The following CD226 variants were observed in gnomAD, a reference collection of about 807,000 sequenced individuals.
The protein encoded by CD226 is CD226 antigen.
Under a neutral mutation model 34.9 loss-of-function variants are expected in CD226, and 24 were observed. The ratio of observed to expected loss-of-function variants is 0.69; its 90% CI spans 0.50 to 0.97. The LOEUF is 0.97. Among genes scored for constraint, CD226 ranks in the 50% least tolerant of loss-of-function variants. The probability of loss-of-function intolerance (pLI) is 0.00; values close to 1 mark genes in which losing one functional copy is unlikely to be tolerated. For missense variants in CD226, 397 were observed against 412.7 expected, an observed-to-expected ratio of 0.96 and a Z score of 0.33; for synonymous variants, 148 against 147.4, an observed-to-expected ratio of 1.00 and a Z score of -0.03.
upstream of CD226, among the ~76,000 whole-genome samples, chr18:69,961,420 T>C (rs11662781): frequency 0.83 from 125,768 of 152,190 alleles, 56,206 homozygotes; most frequent in East Asian, 1. Context: ...AGGCACTTAT[T>C]GACGGCACTC....
At chr18:69,934,257 A>G (rs2055623040) in intron 2 of CD226, among the ~76,000 whole-genome samples, 1 of 149,230 alleles carries the variant, frequency 6.7e-6, no homozygotes, top group Non-Finnish European at 1.5e-5. Flanking sequence ...CATGAAGGAA[A>G]TGATCCTGTC....
intron 2 of CD226, among the ~76,000 whole-genome samples, chr18:69,912,776 T>C (rs2055341313): frequency 6.6e-6 from 1 of 152,212 alleles, no homozygotes; most frequent in African/African-American, 2.4e-5. Context: ...TACAATTCAG[T>C]GAAGTATGGA....
chr18:69,876,730 C>T (rs1250946010), intron 3 of CD226, among the ~76,000 whole-genome samples: 1 of 152,190 alleles, frequency 6.6e-6, no homozygotes, highest in Admixed American at 6.5e-5. Context: ...TCAATTCTGA[C>T]ATGATCTACC....
chr18:69,901,344 T>G (rs2055180060), intron 2 of CD226, among the ~76,000 whole-genome samples: 1 of 152,148 alleles, frequency 6.6e-6, no homozygotes, highest in Admixed American at 6.5e-5. Context: ...GGTATCATGT[T>G]TATGTTAAAA....
upstream of CD226, among the ~76,000 whole-genome samples, chr18:69,959,496 G>A (rs1243635858): frequency 1.3e-5 from 2 of 152,040 alleles, no homozygotes; most frequent in African/African-American, 2.4e-5. Context: ...TTTTTCTAAG[G>A]TCACCAAGGC....
At position 69,946,959 on chromosome 18, in the gene CD226, T is replaced by A. The variant is rs368916521; in HGVS notation, c.157A>T (p.Ile53Phe). The A allele has an allele frequency of 3.1e-6, 5 of 1,614,072 alleles. No individual in the cohort carries two copies. The highest frequency in any genetic ancestry group is 4.5e-5 in the East Asian group (2 of 44,894). ...GILTQVEWFK[I>F]GTQQDSIAIF... ...GCTATGGAATCCTGCTGGGTCCCGA[T>A]CTTGAACCACTCCACCTGTGTTAAG... The change falls in exon 2 of 6, where the codon ATC (isoleucine) becomes TTC (phenylalanine). Residue 53 changes from isoleucine to phenylalanine, a missense_variant. Ile to Phe is a conservative substitution (Grantham distance 21). Transcript: ENST00000582621.
At chr18:69,919,390 A>G (rs978181653) in intron 2 of CD226, among the ~76,000 whole-genome samples, 2 of 152,206 alleles carry the variant, frequency 1.3e-5, no homozygotes, top group Non-Finnish European at 2.9e-5. Context: ...AAAAATATCT[A>G]AAATATTGTC....
intron 3 of CD226, among the ~76,000 whole-genome samples, chr18:69,881,934 A>G (rs1280509444): frequency 1.3e-5 from 2 of 152,226 alleles, no homozygotes; most frequent in African/African-American, 2.4e-5. Flanking sequence ...TTGTCCAGAT[A>G]AATCAGTTTT....
At chr18:69,938,827 G>A (rs1488322317) in intron 2 of CD226, among the ~76,000 whole-genome samples, 1 of 152,240 alleles carries the variant, frequency 6.6e-6, no homozygotes, top group African/African-American at 2.4e-5. Context: ...GCCTATGCCT[G>A]TAATTCCAGC....
rs376057748 is a variant in CD226 at position 69,923,744 on chromosome 18, G to A, written c.382+22990C>T. On this transcript the variant is annotated intron_variant, in intron 2 of 5. Transcript: ENST00000582621. The stretch of plus-strand genomic sequence containing the variant: ...CGAGGCGGGCGGATCACGAGGTCAG[G>A]AGATCGAGACCATCCCGGCTAAAAA... Among the ~76,000 whole-genome samples, 37 of 152,168 alleles carry A rather than the reference G, an allele frequency of 2.4e-4. 1 individual carries two copies. The highest frequency in any genetic ancestry group is 7.0e-4 in the African/African-American group (29 of 41,530).
At chr18:69,950,921 C>T (rs997376546), upstream of CD226, among the ~76,000 whole-genome samples, 4 of 151,840 alleles carry the variant, frequency 2.6e-5, no homozygotes, top group Admixed American at 2.6e-4. Context: ...TTTCCACACG[C>T]CACAGAGATA....
intron 2 of CD226, among the ~76,000 whole-genome samples, chr18:69,906,679 G>A (rs570055277): frequency 2.0e-5 from 3 of 152,324 alleles, no homozygotes; most frequent in Admixed American, 2.0e-4. Flanking sequence ...GGAGGACTTC[G>A]AGTTTCAGAC....
rs1982880579 is a variant in CD226 at position 69,862,534 on chromosome 18, T to G, written c.*1780A>C. Reference sequence around the variant, plus strand: ...GATCTTTAAGCAAACATAATAAAAATGAGAGTTTACCCTTCTTGCATATAC... The same window carrying G: ...GATCTTTAAGCAAACATAATAAAAAGGAGAGTTTACCCTTCTTGCATATAC... On this transcript the variant is annotated 3_prime_UTR_variant, in exon 6 of 6. Coordinates refer to ENST00000582621, the MANE Select transcript of CD226 (RefSeq NM_001303618.2). The G allele has an allele frequency of 6.6e-6, 1 of 152,148 alleles. No homozygotes were observed. The highest frequency in any genetic ancestry group is 6.5e-5 in the Admixed American group (1 of 15,268). The allele number at this position is 152,148 out of a possible 1,614,324, so 9.4% of individuals were successfully genotyped here. A position where few individuals can be genotyped will look rare whatever the true frequency, so the allele number is the denominator to read the frequency against.
At position 69,947,473 on chromosome 18, in the gene CD226, A is replaced by C; in HGVS notation, c.-67T>G. ...AATTGCTTTTTATAATGTGACATGC[A>C]GATCCCCAGCACAATGCAGTTTCCT... On this transcript the variant is annotated 5_prime_UTR_variant, in exon 1 of 6. Transcript: ENST00000582621. 1.0e-6 allele frequency: 1 copy of C among 959,020 alleles called. No homozygotes were observed. Among genetic ancestry groups the C allele is most frequent in the Non-Finnish European group, 1.6e-6 (1 of 619,500 alleles). 59.4% of individuals were successfully genotyped at this position (959,020 alleles called of 1,614,324 possible). A position where few individuals can be genotyped will look rare whatever the true frequency, so the allele number is the denominator to read the frequency against.
chr18:69,874,582 G>A (rs758869814), intron 3 of CD226, among the ~76,000 whole-genome samples: 4 of 152,098 alleles, frequency 2.6e-5, no homozygotes, highest in Non-Finnish European at 5.9e-5. Context: ...TGACACCCCG[G>A]CTGTCTGGAA....
intron 3 of CD226, among the ~76,000 whole-genome samples, chr18:69,889,065 T>G (rs1180706494): frequency 2.0e-5 from 3 of 152,000 alleles, no homozygotes; most frequent in Non-Finnish European, 4.4e-5. Flanking sequence ...AAAAATGATC[T>G]GGGCAGAGGC....
upstream of CD226, among the ~76,000 whole-genome samples, chr18:69,958,338 A>G (rs1047206476): frequency 6.6e-6 from 1 of 152,166 alleles, no homozygotes. Flanking sequence ...AATGACTTCC[A>G]TCTGTAAGGT....
At chr18:69,954,178 T>G (rs1231518990) in intron 1 of CD226, among the ~76,000 whole-genome samples, 1 of 152,062 alleles carries the variant, frequency 6.6e-6, no homozygotes, top group Admixed American at 6.6e-5. Flanking sequence ...TATTAATTGA[T>G]TTCATTTGAT....
chr18:69,895,986 C>G lies in CD226; in HGVS notation c.442G>C (p.Val148Leu). Residue 148 changes from valine to leucine, a missense_variant, in exon 3 of 6, where the codon GTC (valine) becomes CTC (leucine). By Grantham distance (32) the Val-to-Leu change is conservative. Coordinates refer to ENST00000582621, the MANE Select transcript of CD226 (RefSeq NM_001303618.2). ...SHIVSEPGKN[V>L]TLTCQPQMTW... Reference sequence around the variant, plus strand: ...ATCTGAGGCTGACAAGTGAGTGTGACATTCTTTCCAGGTTCCGAAACAATG... The same window carrying G: ...ATCTGAGGCTGACAAGTGAGTGTGAGATTCTTTCCAGGTTCCGAAACAATG... 1 of 1,613,862 alleles carries G rather than the reference C, an allele frequency of 6.2e-7. No homozygotes were observed. Among genetic ancestry groups the G allele is most frequent in the Non-Finnish European group, 8.5e-7 (1 of 1,180,030 alleles).
Sources: gnomAD v4.1 joint callset for allele counts (sites outside exome capture counted in the v4.1 genomes callset) on GRCh38, gnomAD v4.1.1 for gene constraint, MANE v1.5 for transcripts, NCBI Gene and HGNC (gene_info 2026-07-23, HGNC 2026-07-21) for gene names.